Variants in ARHGAP31 observed in about 807,000 individuals in gnomAD.
The protein encoded by ARHGAP31 is rho GTPase-activating protein 31.
Under a neutral mutation model 113.9 loss-of-function variants are expected in ARHGAP31, and 34 were observed. That is an observed-to-expected ratio of 0.30 (90% CI 0.23 to 0.40). ARHGAP31 has a LOEUF of 0.40. ARHGAP31 is among the 10% of genes least tolerant of loss of function. The pLI is 1.00. For missense variants in ARHGAP31, 1,548 were observed against 1,767.1 expected (o/e 0.88, Z 2.22); for synonymous variants, 650 against 684.8 (o/e 0.95, Z 0.79).
At position 119,330,064 on chromosome 3, in the gene ARHGAP31, C is replaced by A. The variant is rs1037033668; in HGVS notation, c.100+35060C>A. 2.4e-5 allele frequency: 23 copies of A among 941,498 alleles called. No homozygotes were observed. In the African/African-American group the frequency reaches 3.9e-4, roughly 16 times the overall value. The allele number at this position is 941,498 out of a possible 1,614,324, so 58.3% of individuals were successfully genotyped here. ...AACTAGTGTGGTAGATATTTCCATT[C>A]AATCGTCTGATTGTTTGAACTGATC... is the stretch of plus-strand genomic sequence containing the variant. On this transcript the variant is annotated intron_variant, in intron 1 of 11. Coordinates refer to ENST00000264245, the MANE Select transcript of ARHGAP31 (RefSeq NM_020754.4).
At chr3:119,348,721 T>G (rs764884469) in intron 1 of ARHGAP31, among the ~76,000 whole-genome samples, 6 of 152,188 alleles carry the variant, frequency 3.9e-5, no homozygotes, top group Non-Finnish European at 8.8e-5. Context: ...TAGGGAATAA[T>G]GACAAGAGAA....
At chr3:119,407,495 G>A (rs1298302005) in intron 10 of ARHGAP31, among the ~76,000 whole-genome samples, 3 of 152,178 alleles carry the variant, frequency 2.0e-5, no homozygotes, top group East Asian at 3.8e-4. Flanking sequence ...ATCACATAGT[G>A]TATTTTGTGT....
intron 2 of ARHGAP31, among the ~76,000 whole-genome samples, chr3:119,367,780 C>T (rs2080262290): frequency 6.6e-6 from 1 of 150,572 alleles, no homozygotes; most frequent in African/African-American, 2.4e-5. Context: ...TCACTTGAAC[C>T]CGGGAGGCGG....
intron 6 of ARHGAP31, among the ~76,000 whole-genome samples, chr3:119,389,537 A>G (rs947614233): frequency 6.6e-6 from 1 of 152,166 alleles, no homozygotes; most frequent in African/African-American, 2.4e-5. Flanking sequence ...CCCAGGCTAT[A>G]TTTAACAGTA....
rs746117087 is a variant in ARHGAP31, at chr3:119,402,163, T to C, written c.1411T>C (p.Phe471Leu). Residue 471 changes from phenylalanine (F) to leucine (L), a missense_variant, in exon 10 of 12, where the codon TTC becomes CTC. Phe to Leu is a conservative substitution (Grantham distance 22). Transcript: ENST00000264245. ...PSKSVFTSSL[F>L]QMEPSPRNQR... is the part of the protein sequence containing the mutation. ...CAAATCCGTCTTCACCAGCAGCCTCTTCCAGATGGAGCCCTCGCCGCGTAA... is the reference window on the plus strand; with the variant it reads ...CAAATCCGTCTTCACCAGCAGCCTCCTCCAGATGGAGCCCTCGCCGCGTAA... 4 of 1,614,218 alleles carry C rather than the reference T, an allele frequency of 2.5e-6. No individual in the cohort carries two copies. Among genetic ancestry groups the C allele is most frequent in the African/African-American group, 2.7e-5 (2 of 75,064 alleles).
At position 119,416,281 on chromosome 3, in the gene ARHGAP31, G is replaced by C. The variant is rs375522450; in HGVS notation, c.*17G>C. 1.8e-5 allele frequency: 29 copies of C among 1,612,016 alleles called. No individual in the cohort carries two copies. The highest frequency in any genetic ancestry group is 1.3e-4 in the South Asian group (12 of 91,026). On this transcript the variant is annotated 3_prime_UTR_variant, in exon 12 of 12. Transcript: ENST00000264245. The stretch of plus-strand genomic sequence containing the variant: ...ATAGAATGATTTCGGTTCACCTGCT[G>C]GTGTCTGAAAAAAACCGTGATTCAT...
At chr3:119,407,221 C>A (rs970710718) in intron 10 of ARHGAP31, among the ~76,000 whole-genome samples, 3 of 151,978 alleles carry the variant, frequency 2.0e-5, no homozygotes, top group Non-Finnish European at 4.4e-5. Flanking sequence ...GTGGCAGGCA[C>A]CTGTAGTCCC....
intron 8 of ARHGAP31, among the ~76,000 whole-genome samples, chr3:119,397,335 C>T (rs72966442): frequency 0.018 from 2,799 of 152,312 alleles, 73 homozygotes; most frequent in African/African-American, 0.063. Flanking sequence ...GAGCTGCTAC[C>T]CGGCCTCTGT....
chr3:119,296,899 TG>T (rs1393520908), intron 1 of ARHGAP31, among the ~76,000 whole-genome samples: 1 of 152,196 alleles, frequency 6.6e-6, no homozygotes, highest in Non-Finnish European at 1.5e-5. Flanking sequence ...GGGCCCTCCC[TG>T]GCCTGTTAGG....
chr3:119,349,764 A>G (rs2080094968), intron 1 of ARHGAP31, among the ~76,000 whole-genome samples: 1 of 152,208 alleles, frequency 6.6e-6, no homozygotes, highest in Admixed American at 6.5e-5. Flanking sequence ...CTCCAAGTGT[A>G]GTCCTGAGAA....
At chr3:119,337,984 G>T (rs2079973804) in intron 1 of ARHGAP31, among the ~76,000 whole-genome samples, 3 of 152,206 alleles carry the variant, frequency 2.0e-5, no homozygotes, top group African/African-American at 7.2e-5. Flanking sequence ...TTCATTTAAG[G>T]TCTATATATG....
Position 119,415,136 on chromosome 3 carries a change from G to A in ARHGAP31, c.3207G>A (p.Lys1069=). 4 of 1,614,196 alleles carry A rather than the reference G, an allele frequency of 2.5e-6. No homozygotes were observed. The highest frequency in any genetic ancestry group is 3.4e-6 in the Non-Finnish European group (4 of 1,180,020). The change falls in exon 12 of 12, where the codon AAG becomes AAA. Residue 1069 remains lysine (K), a synonymous_variant. Transcript: ENST00000264245. ...QGGVPGPESS[K]ESSPSVQDST... is the part of the protein sequence containing the mutation. Reference sequence around the variant, plus strand: ...GTGTTCCTGGGCCAGAGAGCAGCAAGGAGAGTTCACCCAGCGTGCAGGACA... The same window carrying A: ...GTGTTCCTGGGCCAGAGAGCAGCAAAGAGAGTTCACCCAGCGTGCAGGACA...
chr3:119,413,705 C>T (rs1443164580), intron 11 of ARHGAP31, 151 bp from the exon 12 acceptor site: 2 of 1,051,386 alleles, frequency 1.9e-6, no homozygotes, highest in Non-Finnish European at 2.8e-6. Flanking sequence ...GGTGAGCACT[C>T]AAATAGCCAC....
In ARHGAP31 at chr3:119,414,093, C is replaced by T. The variant is rs2080744146; in HGVS notation, c.2164C>T (p.Pro722Ser). The change falls in exon 12 of 12, where the codon CCA becomes TCA. Residue 722 changes from proline (P) to serine (S), a missense_variant. By Grantham distance (74) the Pro-to-Ser change is moderately conservative. Coordinates refer to ENST00000264245, the MANE Select transcript of ARHGAP31 (RefSeq NM_020754.4). The part of the protein sequence containing the change: ...STPLEVWTRD[P>S]ANQSTQGAST... ...CCCTCTGGAGGTGTGGACTAGGGAT[C>T]CAGCCAATCAGAGCACACAGGGGGC... 1.2e-6 allele frequency: 2 copies of T among 1,614,052 alleles called. No individual in the cohort carries two copies. Among genetic ancestry groups the T allele is most frequent in the Non-Finnish European group, 8.5e-7 (1 of 1,180,030 alleles).
chr3:119,359,192 A>C (rs1007794172), intron 1 of ARHGAP31, among the ~76,000 whole-genome samples: 1 of 151,796 alleles, frequency 6.6e-6, no homozygotes, highest in Non-Finnish European at 1.5e-5. Flanking sequence ...TAGTTTTTGT[A>C]GTTTTAGTAG....
chr3:119,388,012 G>A (rs910858303), intron 6 of ARHGAP31, among the ~76,000 whole-genome samples: 1 of 152,136 alleles, frequency 6.6e-6, no homozygotes. Flanking sequence ...ATGAGCAAAT[G>A]TTCCAAAGAC....
intron 1 of ARHGAP31, among the ~76,000 whole-genome samples, chr3:119,337,058 G>A (rs1415133326): frequency 1.3e-5 from 2 of 152,132 alleles, no homozygotes; most frequent in Non-Finnish European, 1.5e-5. Context: ...ATCAGTTGAT[G>A]GACATTTGAA....
At chr3:119,396,054 T>C (rs1427509338) in intron 8 of ARHGAP31, among the ~76,000 whole-genome samples, 1 of 151,976 alleles carries the variant, frequency 6.6e-6, no homozygotes, top group Non-Finnish European at 1.5e-5. Flanking sequence ...ATGAAAGAGG[T>C]TCACCAGTAA....
At chr3:119,298,836 G>A (rs1471225151) in intron 1 of ARHGAP31, 2 of 200,980 alleles carry the variant, frequency 1.0e-5, no homozygotes, top group African/African-American at 2.3e-5. Flanking sequence ...TGAAGCAAGC[G>A]TCTTCACCGC....
Sources: allele counts gnomAD v4.1 joint callset (sites outside exome capture counted in the v4.1 genomes callset), GRCh38; gene constraint gnomAD v4.1.1; transcripts MANE v1.5; gene names NCBI Gene and HGNC (gene_info 2026-07-23, HGNC 2026-07-21).